Variants in CEP192 observed in about 807,000 individuals in gnomAD.
The protein encoded by CEP192 is centrosomal protein of 192 kDa.
CEP192 carries 151 observed loss-of-function variants against 271.8 expected under a neutral mutation model. That is an observed-to-expected ratio of 0.56 (90% CI 0.49 to 0.64). The LOEUF is 0.64. Among genes scored for constraint, CEP192 ranks in the 30% least tolerant of loss-of-function variants. CEP192 has a pLI of 0.00. For synonymous variants in CEP192, 995 were observed against 1,076.5 expected (o/e 0.92, Z 1.48); for missense variants, 2,910 against 3,020.5 (o/e 0.96, Z 0.86).
At chr18:13,062,791 TC>T (rs1350937005) in intron 21 of CEP192, among the ~76,000 whole-genome samples, 2 of 152,192 alleles carry the variant, frequency 1.3e-5, no homozygotes, top group African/African-American at 4.8e-5. Flanking sequence ...TTGGCTATAG[TC>T]ATCCTATTGT....
At chr18:13,104,134 G>A (rs2039844187) in intron 39 of CEP192, among the ~76,000 whole-genome samples, 1 of 152,220 alleles carries the variant, frequency 6.6e-6, no homozygotes, top group Admixed American at 6.5e-5. Flanking sequence ...ATTTAATGCT[G>A]TCTCCTAGCC....
chr18:13,038,308 A>G, intron 12 of CEP192, 62 bp from the exon 13 acceptor site: 1 of 1,357,592 alleles, frequency 7.4e-7, no homozygotes, highest in Non-Finnish European at 1.0e-6. Context: ...GTTTTTGTAT[A>G]TTAGAACAAC....
intron 21 of CEP192, among the ~76,000 whole-genome samples, chr18:13,067,296 C>A (rs549454964): frequency 3.3e-5 from 5 of 151,982 alleles, no homozygotes; most frequent in Non-Finnish European, 1.5e-5. Flanking sequence ...TTTTGATATC[C>A]GGTGGGGGTT....
intron 34 of CEP192, among the ~76,000 whole-genome samples, chr18:13,094,931 T>C (rs912536304): frequency 6.6e-6 from 1 of 152,214 alleles, no homozygotes; most frequent in African/African-American, 2.4e-5. Flanking sequence ...TTAACTAATC[T>C]TCCCATTGCA....
At chr18:13,038,242 T>G in intron 12 of CEP192, 128 bp from the exon 13 acceptor site, 1 of 711,978 alleles carries the variant, frequency 1.4e-6, no homozygotes, top group Non-Finnish European at 2.3e-6. Context: ...GTCCAATTTT[T>G]TTTTTGTCTA....
At chr18:13,033,543 C>T (rs903203453) in intron 11 of CEP192, among the ~76,000 whole-genome samples, 7 of 152,174 alleles carry the variant, frequency 4.6e-5, no homozygotes, top group Admixed American at 6.5e-5. Context: ...ATCCTGTAAC[C>T]GAGCAGTTCT....
chr18:13,096,859 C>T (rs1007327941), intron 36 of CEP192, among the ~76,000 whole-genome samples: 2 of 152,210 alleles, frequency 1.3e-5, no homozygotes, highest in African/African-American at 2.4e-5. Flanking sequence ...CATTTATACA[C>T]AGCTGCCTGC....
Position 13,096,199 on chromosome 18 carries a change from C to A in CEP192, c.6449C>A (p.Thr2150Asn). ...VAPSPCDMAK[T>N]GRFQIVNNSV... is the part of the protein sequence containing the mutation. The stretch of plus-strand genomic sequence containing the variant: ...GACAAAATAGGTGACATGGCAAAAA[C>A]TGGACGTTTCCAGATTGTGAATAAC... The change falls in exon 36 of 45, where the codon ACT becomes AAT. Residue 2150 changes from threonine to asparagine, a missense_variant. By Grantham distance (65) the Thr-to-Asn change is moderately conservative. Transcript: ENST00000506447. 4 of 1,613,902 alleles carry A rather than the reference C, an allele frequency of 2.5e-6. No homozygotes were observed. Among genetic ancestry groups the A allele is most frequent in the Non-Finnish European group, 3.4e-6 (4 of 1,179,874 alleles).
chr18:13,075,752 G>A (rs1269513656), intron 30 of CEP192, among the ~76,000 whole-genome samples: 1 of 152,134 alleles, frequency 6.6e-6, no homozygotes, highest in Non-Finnish European at 1.5e-5. Context: ...ACAACCATTC[G>A]AGATACTACT....
intron 14 of CEP192, among the ~76,000 whole-genome samples, chr18:13,041,644 C>T (rs2036212849): frequency 6.6e-6 from 1 of 151,254 alleles, no homozygotes; most frequent in South Asian, 2.1e-4. Flanking sequence ...CGGCTCACTG[C>T]AATCTCCACC....
chr18:13,117,508 T>C, intron 43 of CEP192, 77 bp from the exon 44 acceptor site: 5 of 1,049,750 alleles, frequency 4.8e-6, no homozygotes, highest in Non-Finnish European at 7.3e-6. Flanking sequence ...CTGTAATAAA[T>C]AAATGCTTGG....
chr18:13,015,396 C>G lies in CEP192; in HGVS notation c.588C>G (p.Ser196Arg), dbSNP rs1325911447. ...TAAAGAGTGACCTAAGCCACACTAGCTTATTAGAAAATGAGAAACTTATCT... is the reference window on the plus strand; with the variant it reads ...TAAAGAGTGACCTAAGCCACACTAGGTTATTAGAAAATGAGAAACTTATCT... ...KTLKSDLSHT[S>R]LLENEKLILP... Residue 196 changes from serine to arginine, a missense_variant, in exon 6 of 45, where the codon AGC becomes AGG. By Grantham distance (110) the Ser-to-Arg change is moderately radical (BLOSUM62 -1). Transcript: ENST00000506447. 1 of 1,551,000 alleles carries G rather than the reference C, an allele frequency of 6.4e-7. No individual in the cohort carries two copies. Among genetic ancestry groups the G allele is most frequent in the South Asian group, 1.2e-5 (1 of 84,044 alleles).
intron 14 of CEP192, 88 bp from the exon 15 acceptor site, chr18:13,042,116 A>C (rs1260717158): frequency 9.4e-7 from 1 of 1,062,446 alleles, no homozygotes; most frequent in Admixed American, 2.4e-5. Flanking sequence ...TCCTTGGTAA[A>C]TTAGTCATTT....
At chr18:12,997,780 A>T (rs752773857) in intron 1 of CEP192, among the ~76,000 whole-genome samples, 3 of 152,190 alleles carry the variant, frequency 2.0e-5, no homozygotes, top group African/African-American at 4.8e-5. Flanking sequence ...GCTGAAGTAC[A>T]GGGGCGCAAT....
chr18:13,014,376 C>T (rs780237546), intron 5 of CEP192, among the ~76,000 whole-genome samples: 3 of 152,090 alleles, frequency 2.0e-5, no homozygotes, highest in Non-Finnish European at 4.4e-5. Flanking sequence ...GCTGCTACTG[C>T]GTGTAGGTCT....
intron 15 of CEP192, among the ~76,000 whole-genome samples, chr18:13,048,094 A>C (rs1200328264): frequency 6.6e-6 from 1 of 152,200 alleles, no homozygotes; most frequent in Non-Finnish European, 1.5e-5. Flanking sequence ...TCAAACTAAT[A>C]CAGTAGCCTG....
chr18:13,098,857 G>A (rs1273073370), intron 36 of CEP192, among the ~76,000 whole-genome samples: 4 of 152,156 alleles, frequency 2.6e-5, no homozygotes, highest in South Asian at 2.1e-4. Context: ...GTAGCGAGCC[G>A]AAATCACGCC....
chr18:13,009,704 C>G (rs2034215157), intron 4 of CEP192, among the ~76,000 whole-genome samples: 1 of 152,088 alleles, frequency 6.6e-6, no homozygotes, highest in Admixed American at 6.6e-5. Context: ...ATCATGGTGG[C>G]TACCTGTAAT....
intron 13 of CEP192, among the ~76,000 whole-genome samples, chr18:13,039,943 T>A (rs765449393): frequency 2.0e-5 from 3 of 152,124 alleles, no homozygotes; most frequent in Non-Finnish European, 4.4e-5. Flanking sequence ...TTCTATAGAG[T>A]CAAAGAATTT....
Sources: allele counts gnomAD v4.1 joint callset (sites outside exome capture counted in the v4.1 genomes callset), GRCh38; gene constraint gnomAD v4.1.1; transcripts MANE v1.5; gene names NCBI Gene and HGNC (gene_info 2026-07-23, HGNC 2026-07-21).